Variants in TLN2 observed in about 807,000 individuals in gnomAD.
The protein encoded by TLN2 is talin-2.
A neutral mutation model predicts 294.7 loss-of-function variants in TLN2; 118 were observed. That is an observed-to-expected ratio of 0.40 (90% CI 0.34 to 0.47). The LOEUF is 0.47. TLN2 is among the 20% of genes least tolerant of loss of function. The probability of loss-of-function intolerance (pLI) is 0.84; values close to 1 mark genes in which losing one functional copy is unlikely to be tolerated. For missense variants in TLN2, 3,083 were observed against 3,282.2 expected, an observed-to-expected ratio of 0.94 and a Z score of 1.48; for synonymous variants, 1,431 against 1,304.5, an observed-to-expected ratio of 1.10 and a Z score of -2.09.
At chr15:62,686,853 G>A (rs774303999) in intron 12 of TLN2, 57 bp downstream of exon 12, 122 of 1,592,198 alleles carry the variant, frequency 7.7e-5, no homozygotes, top group Non-Finnish European at 6.9e-5. Flanking sequence ...GATATTGTGG[G>A]GACAGGAGAA....
At chr15:62,781,013 G>A in intron 43 of TLN2, 127 bp from the exon 44 acceptor site, 1 of 671,624 alleles carries the variant, frequency 1.5e-6, no homozygotes, top group Non-Finnish European at 2.6e-6. Flanking sequence ...TTGGGTAATT[G>A]AGTTGACACT....
chr15:62,695,079 T>C (rs2058230218), intron 14 of TLN2, among the ~76,000 whole-genome samples: 1 of 152,226 alleles, frequency 6.6e-6, no homozygotes, highest in Admixed American at 6.5e-5. Context: ...ATGATCATTG[T>C]TTTAAATTCA....
intron 19 of TLN2, among the ~76,000 whole-genome samples, chr15:62,706,489 C>T (rs1423898766): frequency 6.6e-6 from 1 of 152,220 alleles, no homozygotes; most frequent in Non-Finnish European, 1.5e-5. Flanking sequence ...CTGAGAATAA[C>T]TCATGTTCAG....
chr15:62,582,635 G>C (rs1331509293), intron 1 of TLN2, among the ~76,000 whole-genome samples: 1 of 152,128 alleles, frequency 6.6e-6, no homozygotes, highest in Non-Finnish European at 1.5e-5. Context: ...ACAGCTCAGA[G>C]GGCAGGGGAC....
chr15:62,471,230 G>T (rs182440868), intron 1 of TLN2, among the ~76,000 whole-genome samples: 1 of 152,114 alleles, frequency 6.6e-6, no homozygotes, highest in Non-Finnish European at 1.5e-5. Context: ...CCAGCTACTC[G>T]GGGGACTGAG....
In TLN2 at chr15:62,792,745, C is replaced by T; in HGVS notation, c.5841C>T (p.Thr1947=). 6.2e-7 allele frequency: 1 copy of T among 1,614,078 alleles called. No homozygotes were observed. The highest frequency in any genetic ancestry group is 8.5e-7 in the Non-Finnish European group (1 of 1,180,042). The change falls in exon 46 of 59, where the codon ACC becomes ACT. Residue 1947 remains threonine (T), a synonymous_variant. Transcript: ENST00000636159. Reference sequence around the variant, plus strand: ...AGGTCTGCCCCACAGACAGCTACACCAAGAGGGAGCTGATCGAATGCGCCC... The same window carrying T: ...AGGTCTGCCCCACAGACAGCTACACTAAGAGGGAGCTGATCGAATGCGCCC... ...ALQVCPTDSY[T]KRELIECARA... is the part of the protein sequence containing the mutation.
At chr15:62,509,284 G>T (rs200320562) in intron 1 of TLN2, among the ~76,000 whole-genome samples, 2 of 151,836 alleles carry the variant, frequency 1.3e-5, no homozygotes, top group Non-Finnish European at 2.9e-5. Flanking sequence ...TGTTTGTTTT[G>T]TTTTTTTTGA....
chr15:62,555,233 C>T (rs911726275), intron 1 of TLN2, among the ~76,000 whole-genome samples: 1 of 152,114 alleles, frequency 6.6e-6, no homozygotes, highest in African/African-American at 2.4e-5. Flanking sequence ...ATGTTCCTTT[C>T]TTAATTTTAT....
intron 1 of TLN2, among the ~76,000 whole-genome samples, chr15:62,587,051 A>T (rs1218886468): frequency 6.6e-6 from 1 of 152,236 alleles, no homozygotes; most frequent in African/African-American, 2.4e-5. Flanking sequence ...AGCATAAGTG[A>T]AAAGGGAGAC....
chr15:62,401,067 C>T (rs962838705), intron 1 of TLN2, among the ~76,000 whole-genome samples: 4 of 152,056 alleles, frequency 2.6e-5, no homozygotes, highest in African/African-American at 9.7e-5. Context: ...CTGCCTTCCT[C>T]GGCCTTCCAA....
intron 11 of TLN2, among the ~76,000 whole-genome samples, chr15:62,685,184 A>G (rs1004443073): frequency 6.6e-6 from 1 of 152,148 alleles, no homozygotes; most frequent in African/African-American, 2.4e-5. Context: ...TATTTCCTCT[A>G]AGATTAGGCC....
rs190664405 is a variant in TLN2 at position 62,396,351 on chromosome 15, C to A, written c.-238+5666C>A. ...ATTTGGTTAATGGATAAGAAACTCA[C>A]CAGCAACCATTTAGAAAAAAAGACT... On this transcript the variant is annotated intron_variant, in intron 1 of 58. Transcript: ENST00000636159. 2.2e-3 allele frequency among the ~76,000 whole-genome samples: 342 copies of A among 152,296 alleles called. 2 individuals are homozygous for A. The highest frequency in any genetic ancestry group is 3.6e-3 in the Non-Finnish European group (248 of 68,030).
In TLN2 at chr15:62,561,156, C is replaced by T. The variant is rs528977398; in HGVS notation, c.-237-28531C>T. Among the ~76,000 whole-genome samples the T allele has an allele frequency of 6.6e-5, 10 of 152,228 alleles. No homozygotes were observed. In the South Asian group the frequency reaches 1.5e-3, roughly 22 times the overall value. On this transcript the variant is annotated intron_variant, in intron 1 of 58. Transcript: ENST00000636159. ...TAGACCCATGTGTTATTTTGAGTGG[C>T]GGGAATAATAGGACTTGCACCTAAT... is the stretch of plus-strand genomic sequence containing the variant.
chr15:62,792,428 C>G (rs976134451), intron 45 of TLN2, among the ~76,000 whole-genome samples: 102 of 152,302 alleles, frequency 6.7e-4, no homozygotes, highest in African/African-American at 2.3e-3. Flanking sequence ...CAAGATACAG[C>G]CTTGCTAGGT....
intron 3 of TLN2, among the ~76,000 whole-genome samples, chr15:62,643,490 A>G (rs2051420425): frequency 7.4e-6 from 1 of 134,562 alleles, no homozygotes; most frequent in Non-Finnish European, 1.6e-5. Context: ...TTTTTGGGTG[A>G]TAAAAAAAAA....
intron 51 of TLN2, among the ~76,000 whole-genome samples, chr15:62,807,483 C>A (rs2066370036): frequency 6.6e-6 from 1 of 152,206 alleles, no homozygotes; most frequent in South Asian, 2.1e-4. Flanking sequence ...TACTCAGGGC[C>A]TCCCAGATGT....
At chr15:62,617,132 A>C (rs1450366196) in intron 2 of TLN2, among the ~76,000 whole-genome samples, 1 of 152,138 alleles carries the variant, frequency 6.6e-6, no homozygotes, top group Non-Finnish European at 1.5e-5. Flanking sequence ...GTTAAAAATC[A>C]CAGTGCTAGG....
At chr15:62,616,456 T>G (rs1596351382) in intron 2 of TLN2, among the ~76,000 whole-genome samples, 1 of 152,162 alleles carries the variant, frequency 6.6e-6, no homozygotes, top group Non-Finnish European at 1.5e-5. Flanking sequence ...AGAGACAGGG[T>G]CTTGCCCTGT....
chr15:62,703,621 A>G (rs11071685), intron 19 of TLN2, among the ~76,000 whole-genome samples: 69,508 of 147,042 alleles, frequency 0.47, 17,975 homozygotes, highest in Middle Eastern at 0.62. Flanking sequence ...ACACACACAC[A>G]CGCGCGCACA....
Sources: gnomAD v4.1 joint callset for allele counts (sites outside exome capture counted in the v4.1 genomes callset) on GRCh38, gnomAD v4.1.1 for gene constraint, MANE v1.5 for transcripts, NCBI Gene and HGNC (gene_info 2026-07-23, HGNC 2026-07-21) for gene names.